Variants in ASTN1 observed in about 807,000 individuals in gnomAD.
The protein encoded by ASTN1 is astrotactin-1.
In ASTN1, 41 loss-of-function variants were observed where a neutral mutation model predicts 140.7. The ratio of observed to expected loss-of-function variants is 0.29; its 90% CI spans 0.23 to 0.38. ASTN1 has a LOEUF of 0.38. Among genes scored for constraint, ASTN1 ranks in the 10% least tolerant of loss-of-function variants. The pLI is 1.00. For missense variants in ASTN1, 1,479 were observed against 1,678.8 expected (o/e 0.88, Z 2.08); for synonymous variants, 640 against 652.2 (o/e 0.98, Z 0.29).
chr1:176,924,408 C>T (rs187854225), intron 16 of ASTN1, among the ~76,000 whole-genome samples: 1 of 152,356 alleles, frequency 6.6e-6, no homozygotes, highest in Non-Finnish European at 1.5e-5. Context: ...GAGGCCTTCT[C>T]TGTGCTGGCC....
At chr1:177,075,952 A>C (rs1192688345) in intron 1 of ASTN1, among the ~76,000 whole-genome samples, 1 of 151,906 alleles carries the variant, frequency 6.6e-6, no homozygotes, top group Non-Finnish European at 1.5e-5. Context: ...AAACCTTTTG[A>C]TCTCATGTGA....
chr1:177,118,456 T>C (rs1681205948), intron 1 of ASTN1, among the ~76,000 whole-genome samples: 1 of 152,162 alleles, frequency 6.6e-6, no homozygotes, highest in Non-Finnish European at 1.5e-5. Flanking sequence ...AAGTAATTTA[T>C]CTTCATATTC....
intron 8 of ASTN1, among the ~76,000 whole-genome samples, chr1:176,969,409 G>A (rs1673036185): frequency 6.6e-6 from 1 of 152,170 alleles, no homozygotes; most frequent in Admixed American, 6.5e-5. Flanking sequence ...AGAACTGCCT[G>A]ACATATTTTG....
At chr1:176,887,977 T>C (rs1431415410) in intron 18 of ASTN1, 94 bp downstream of exon 18, 2 of 1,539,938 alleles carry the variant, frequency 1.3e-6, no homozygotes, top group South Asian at 2.4e-5. Context: ...CATATTTTTC[T>C]TTGTTTCCCA....
intron 7 of ASTN1, among the ~76,000 whole-genome samples, chr1:177,017,577 T>C (rs1278097933): frequency 6.6e-6 from 1 of 152,200 alleles, no homozygotes; most frequent in East Asian, 1.9e-4. Context: ...CTAGAAGTGT[T>C]ACAGTCTCTG....
intron 1 of ASTN1, among the ~76,000 whole-genome samples, chr1:177,146,924 G>A (rs1682744541): frequency 6.6e-6 from 1 of 152,088 alleles, no homozygotes; most frequent in Admixed American, 6.5e-5. Flanking sequence ...CTTTCTGTGT[G>A]TACCCCCCAT....
At chr1:176,905,791 G>A (rs1669964278) in intron 16 of ASTN1, among the ~76,000 whole-genome samples, 1 of 152,056 alleles carries the variant, frequency 6.6e-6, no homozygotes, top group African/African-American at 2.4e-5. Flanking sequence ...AAAATACTCT[G>A]GTCTCTGCAG....
At chr1:177,011,691 CAT>C (rs1491501415) in intron 8 of ASTN1, among the ~76,000 whole-genome samples, 2 of 151,242 alleles carry the variant, frequency 1.3e-5, no homozygotes, top group African/African-American at 2.4e-5. Flanking sequence ...CACACACACA[CAT>C]ACACCACACA....
chr1:176,886,711 T>G (rs1669046131), intron 18 of ASTN1, among the ~76,000 whole-genome samples: 1 of 152,236 alleles, frequency 6.6e-6, no homozygotes, highest in Non-Finnish European at 1.5e-5. Flanking sequence ...GGCCCTTTAG[T>G]GCCTACCCGC....
intron 17 of ASTN1, among the ~76,000 whole-genome samples, chr1:176,893,736 A>G (rs998655256): frequency 2.0e-5 from 3 of 152,220 alleles, no homozygotes; most frequent in East Asian, 2.0e-4. Context: ...TGCCTTTGCC[A>G]TAGTTCCAGA....
intron 13 of ASTN1, among the ~76,000 whole-genome samples, chr1:176,944,627 T>C (rs1671876164): frequency 1.3e-5 from 2 of 152,322 alleles, no homozygotes; most frequent in South Asian, 4.1e-4. Flanking sequence ...TGTAAATACA[T>C]GTCGGAGTAA....
intron 1 of ASTN1, among the ~76,000 whole-genome samples, chr1:177,072,330 T>C (rs1366011351): frequency 6.6e-6 from 1 of 152,218 alleles, no homozygotes; most frequent in Middle Eastern, 3.2e-3. Flanking sequence ...TGTGATTTCA[T>C]TGTGACAGAC....
At chr1:176,962,660 T>C (rs1241772734) in intron 9 of ASTN1, among the ~76,000 whole-genome samples, 2 of 152,136 alleles carry the variant, frequency 1.3e-5, no homozygotes, top group Admixed American at 6.5e-5. Flanking sequence ...ATTGGAGACA[T>C]TTTAGAGCAA....
rs755362433 is a variant in ASTN1, at chr1:176,883,006, A to G, written c.3227-12T>C. ...GCTCAGCACTGTTTCTGCCCAGAGG[A>G]GAAGGAATGGAAAAAGCATGAGAAA... On this transcript the variant is annotated splice_polypyrimidine_tract_variant and intron_variant, in intron 19 of 22. Transcript: ENST00000361833. 3.1e-6 allele frequency: 5 copies of G among 1,613,710 alleles called. No homozygotes were observed. The Admixed American group carries it at 5.0e-5, about 16-fold the overall frequency.
intron 1 of ASTN1, among the ~76,000 whole-genome samples, chr1:177,082,592 G>T (rs781329292): frequency 2.0e-5 from 3 of 152,168 alleles, no homozygotes; most frequent in Non-Finnish European, 2.9e-5. Context: ...ATCAGGGCAG[G>T]TCTCAGCGCC....
intron 1 of ASTN1, among the ~76,000 whole-genome samples, chr1:177,104,758 C>T (rs1229697965): frequency 1.3e-5 from 2 of 152,198 alleles, no homozygotes; most frequent in Admixed American, 6.5e-5. Context: ...GGACTTGTCT[C>T]AGCTCCGACA....
At position 177,075,621 on chromosome 1, in the gene ASTN1, CTTTCT is replaced by C. The variant is rs1186697253; in HGVS notation, c.284-14361_284-14357del. On this transcript the variant is annotated intron_variant, in intron 1 of 22. Coordinates refer to ENST00000361833, the MANE Select transcript of ASTN1 (RefSeq NM_004319.3). ...AGCAACATTTTTTCTTTCTTTCTTT[CTTTCT>C]TTTCTTTTCTTTTCTTTTCTTTTTT... Among the ~76,000 whole-genome samples, 78 of 139,582 alleles carry C rather than the reference CTTTCT, an allele frequency of 5.6e-4. 1 individual carries two copies. The highest frequency in any genetic ancestry group is 6.3e-4 in the Non-Finnish European group (40 of 63,898). The allele number at this position is 139,582 out of a possible 152,430, so 91.6% of individuals were successfully genotyped here.
At chr1:176,999,264 A>G (rs1674605618) in intron 8 of ASTN1, among the ~76,000 whole-genome samples, 1 of 152,216 alleles carries the variant, frequency 6.6e-6, no homozygotes, top group Admixed American at 6.5e-5. Flanking sequence ...TAAAGAATCC[A>G]AAGATGTCTA....
At chr1:177,148,371 T>G in intron 1 of ASTN1, among the ~76,000 whole-genome samples, 1 of 147,276 alleles carries the variant, frequency 6.8e-6, no homozygotes, top group African/African-American at 2.5e-5. Context: ...TGAGCCGAGA[T>G]CACGCCACTG....
Sources: gnomAD v4.1 joint callset for allele counts (sites outside exome capture counted in the v4.1 genomes callset) on GRCh38, gnomAD v4.1.1 for gene constraint, MANE v1.5 for transcripts, NCBI Gene and HGNC (gene_info 2026-07-23, HGNC 2026-07-21) for gene names.